Variants in LRP1B observed in about 807,000 individuals in gnomAD.
LRP1B encodes the protein low-density lipoprotein receptor-related protein 1B.
In LRP1B, 217 loss-of-function variants were observed where a neutral mutation model predicts 556.6. That is an observed-to-expected ratio of 0.39 (90% CI 0.35 to 0.44). LRP1B has a LOEUF of 0.44. Ranked by LOEUF, LRP1B falls within the 20% of genes least tolerant of loss-of-function variation. LRP1B has a pLI of 1.00. For synonymous variants in LRP1B, 2,047 were observed against 1,865.8 expected (o/e 1.10, Z -2.50); for missense variants, 5,053 against 5,620.8 (o/e 0.90, Z 3.23).
chr2:141,215,909 CAG>C (rs1436659951), intron 6 of LRP1B, among the ~76,000 whole-genome samples: 2 of 152,152 alleles, frequency 1.3e-5, no homozygotes, highest in East Asian at 1.9e-4. Context: ...GGCCATGTGA[CAG>C]AGAAAGAAGC....
At chr2:140,329,378 T>A (rs542488361) in intron 79 of LRP1B, among the ~76,000 whole-genome samples, 59 of 152,144 alleles carry the variant, frequency 3.9e-4, no homozygotes, top group African/African-American at 1.4e-3. Flanking sequence ...CCACACAGAA[T>A]TGGAATTTCT....
At chr2:141,480,066 C>A (rs1484023409) in intron 3 of LRP1B, among the ~76,000 whole-genome samples, 4 of 152,032 alleles carry the variant, frequency 2.6e-5, no homozygotes, top group African/African-American at 9.7e-5. Flanking sequence ...TATCAATCTG[C>A]TGTGACAAAG....
Position 140,593,046 on chromosome 2 carries a change from T to C in LRP1B, c.7194+5585A>G, listed in dbSNP as rs1682292333. On this transcript the variant is annotated intron_variant, in intron 43 of 90. Transcript: ENST00000389484. Reference sequence around the variant, plus strand: ...CATTACTTTCTGATTGTTCTTAGAATTAAAACTAGTTTATTTATTTAACTT... The same window carrying C: ...CATTACTTTCTGATTGTTCTTAGAACTAAAACTAGTTTATTTATTTAACTT... Among the ~76,000 whole-genome samples the C allele has an allele frequency of 2.0e-5, 3 of 152,152 alleles. No homozygotes were observed. The South Asian group carries it at 6.2e-4, about 32-fold the overall frequency.
intron 41 of LRP1B, among the ~76,000 whole-genome samples, chr2:140,612,136 G>T (rs1683093707): frequency 6.6e-6 from 1 of 151,980 alleles, no homozygotes; most frequent in African/African-American, 2.4e-5. Context: ...ACAAAAAGAA[G>T]AATCCTAGTC....
chr2:141,961,240 T>C (rs1206562489), intron 1 of LRP1B, among the ~76,000 whole-genome samples: 1 of 151,734 alleles, frequency 6.6e-6, no homozygotes, highest in Non-Finnish European at 1.5e-5. Flanking sequence ...AAATATGAAC[T>C]CTTGTCTTAC....
At chr2:142,009,677 T>G (rs1457888958) in intron 1 of LRP1B, among the ~76,000 whole-genome samples, 1 of 152,192 alleles carries the variant, frequency 6.6e-6, no homozygotes, top group Admixed American at 6.5e-5. Flanking sequence ...ATCTATATTT[T>G]CAGGCTATAT....
At chr2:141,659,201 C>T (rs1036988059) in intron 2 of LRP1B, among the ~76,000 whole-genome samples, 4 of 152,112 alleles carry the variant, frequency 2.6e-5, no homozygotes, top group Non-Finnish European at 4.4e-5. Context: ...CTGTACCAGG[C>T]CATATGACTA....
intron 1 of LRP1B, among the ~76,000 whole-genome samples, chr2:141,826,311 G>A (rs1696919013): frequency 6.7e-6 from 1 of 150,148 alleles, no homozygotes; most frequent in African/African-American, 2.5e-5. Context: ...CATTTAATAA[G>A]GATATGATAG....
intron 55 of LRP1B, among the ~76,000 whole-genome samples, chr2:140,497,741 T>C (rs1476605093): frequency 2.0e-5 from 3 of 151,838 alleles, no homozygotes; most frequent in African/African-American, 4.8e-5. Context: ...ACCATTTTAA[T>C]GGGGTTTCTG....
At chr2:141,186,197 G>A (rs1301697664) in intron 7 of LRP1B, among the ~76,000 whole-genome samples, 1 of 151,664 alleles carries the variant, frequency 6.6e-6, no homozygotes, top group African/African-American at 2.4e-5. Context: ...CAAGCTCTAG[G>A]AGTTAGGTCA....
intron 25 of LRP1B, among the ~76,000 whole-genome samples, chr2:140,875,169 C>G (rs1693266727): frequency 6.6e-6 from 1 of 152,102 alleles, no homozygotes; most frequent in Admixed American, 6.6e-5. Flanking sequence ...TTCAACTCCT[C>G]AAAGCCCAGG....
chr2:140,286,874 A>T (rs1683173188), intron 84 of LRP1B, among the ~76,000 whole-genome samples: 1 of 151,940 alleles, frequency 6.6e-6, no homozygotes, highest in African/African-American at 2.4e-5. Context: ...TTTACAATTT[A>T]CAGAAGACTT....
intron 7 of LRP1B, among the ~76,000 whole-genome samples, chr2:141,150,635 T>A (rs1356963048): frequency 6.6e-6 from 1 of 152,128 alleles, no homozygotes; most frequent in African/African-American, 2.4e-5. Context: ...GCATTTTTCA[T>A]GTGAAAAAAA....
At chr2:141,862,279 T>A (rs1257314416) in intron 1 of LRP1B, among the ~76,000 whole-genome samples, 1 of 152,192 alleles carries the variant, frequency 6.6e-6, no homozygotes, top group Non-Finnish European at 1.5e-5. Context: ...AAACCTCATT[T>A]GGTCTTTGTA....
intron 47 of LRP1B, among the ~76,000 whole-genome samples, chr2:140,529,321 C>T (rs1690577001): frequency 6.6e-6 from 1 of 151,690 alleles, no homozygotes; most frequent in Non-Finnish European, 1.5e-5. Flanking sequence ...ATTTGAAAGA[C>T]TTAAAAATCA....
chr2:140,663,920 G>GGTTCA (rs1685180459), intron 41 of LRP1B, among the ~76,000 whole-genome samples: 2 of 152,092 alleles, frequency 1.3e-5, no homozygotes, highest in African/African-American at 4.8e-5. Flanking sequence ...GAACACTTGA[G>GGTTCA]ACTGCTGTAG....
chr2:141,879,094 A>C, intron 1 of LRP1B, among the ~76,000 whole-genome samples: 1 of 151,956 alleles, frequency 6.6e-6, no homozygotes, highest in East Asian at 1.9e-4. Flanking sequence ...TAATTATGAT[A>C]AATCAAAATA....
chr2:140,515,170 G>A (rs904739250), intron 50 of LRP1B, among the ~76,000 whole-genome samples: 4 of 151,956 alleles, frequency 2.6e-5, no homozygotes, highest in Non-Finnish European at 2.9e-5. Context: ...AAACACTTAC[G>A]TCCTAAGTAA....
intron 1 of LRP1B, among the ~76,000 whole-genome samples, chr2:142,036,419 C>T (rs1413525291): frequency 2.6e-5 from 4 of 151,642 alleles, no homozygotes; most frequent in Non-Finnish European, 5.9e-5. Flanking sequence ...TCTATGAATA[C>T]TTGATCTCTT....
Sources: gnomAD v4.1 joint callset for allele counts (sites outside exome capture counted in the v4.1 genomes callset) on GRCh38, gnomAD v4.1.1 for gene constraint, MANE v1.5 for transcripts, NCBI Gene and HGNC (gene_info 2026-07-23, HGNC 2026-07-21) for gene names.